The following AFF1 variants were observed in gnomAD, a reference collection of about 807,000 sequenced individuals.
The protein encoded by AFF1 is ALF transcription elongation factor 1.
A neutral mutation model predicts 121.7 loss-of-function variants in AFF1; 48 were observed. That is an observed-to-expected ratio of 0.39 (90% CI 0.31 to 0.50). The LOEUF (loss-of-function observed/expected upper bound fraction) is 0.50. Ranked by LOEUF, AFF1 falls within the 20% of genes least tolerant of loss-of-function variation. AFF1 has a pLI of 0.76. For synonymous variants in AFF1, 613 were observed against 563.0 expected (o/e 1.09, Z -1.26); for missense variants, 1,523 against 1,511.7 (o/e 1.01, Z -0.12).
intron 7 of AFF1, among the ~76,000 whole-genome samples, chr4:87,093,042 C>T (rs1008750486): frequency 2.6e-4 from 40 of 152,204 alleles, no homozygotes; most frequent in African/African-American, 9.7e-4. Flanking sequence ...TTATTGCTAA[C>T]TCATGGTTTA....
intron 2 of AFF1, among the ~76,000 whole-genome samples, chr4:87,042,427 G>T (rs1331591088): frequency 6.6e-6 from 1 of 152,230 alleles, no homozygotes; most frequent in East Asian, 1.9e-4. Context: ...TGCCTCTTCG[G>T]TCTTCCTCTG....
intron 2 of AFF1, among the ~76,000 whole-genome samples, chr4:86,982,388 CTTTTTTTTTTTTTTT>C (rs70953632): frequency 8.5e-5 from 5 of 58,592 alleles, no homozygotes; most frequent in Admixed American, 3.0e-4. Flanking sequence ...AAAAAATTGG[CTTTTTTTTTTTTTTT>C]TTTTTTTTTT....
intron 1 of AFF1, among the ~76,000 whole-genome samples, chr4:86,941,730 A>G (rs1331080956): frequency 6.6e-6 from 1 of 152,154 alleles, no homozygotes; most frequent in Non-Finnish European, 1.5e-5. Flanking sequence ...CCAGCTACCC[A>G]GGAGACTGAG....
intron 2 of AFF1, among the ~76,000 whole-genome samples, chr4:87,042,741 T>A (rs1049988888): frequency 1.3e-5 from 2 of 152,246 alleles, no homozygotes; most frequent in African/African-American, 4.8e-5. Flanking sequence ...AATCCTTAAT[T>A]TAATAGGATT....
At chr4:87,066,560 G>T (rs1160949736) in intron 4 of AFF1, among the ~76,000 whole-genome samples, 1 of 152,140 alleles carries the variant, frequency 6.6e-6, no homozygotes, top group African/African-American at 2.4e-5. Context: ...GTGAACTCCA[G>T]CCTGGGCAAC....
intron 2 of AFF1, among the ~76,000 whole-genome samples, chr4:87,032,735 A>G (rs1268922090): frequency 6.6e-6 from 1 of 152,152 alleles, no homozygotes; most frequent in Non-Finnish European, 1.5e-5. Flanking sequence ...TTAATTTTGG[A>G]TATACTCTCC....
chr4:86,944,490 G>A (rs111460606), intron 1 of AFF1, among the ~76,000 whole-genome samples: 6 of 151,552 alleles, frequency 4.0e-5, no homozygotes, highest in South Asian at 2.1e-4. Context: ...CCTCAGGCAC[G>A]CGCCATCACG....
chr4:86,973,542 A>G (rs929723743), intron 2 of AFF1, among the ~76,000 whole-genome samples: 2 of 152,084 alleles, frequency 1.3e-5, no homozygotes, highest in Non-Finnish European at 2.9e-5. Flanking sequence ...TTTTTAATGT[A>G]TTGAATTTGG....
intron 4 of AFF1, among the ~76,000 whole-genome samples, chr4:87,063,015 CTACTT>C (rs1553925141): frequency 6.6e-6 from 1 of 152,118 alleles, no homozygotes; most frequent in Non-Finnish European, 1.5e-5. Context: ...GACAAGAAAA[CTACTT>C]AACCTGTTCA....
chr4:87,010,667 G>A (rs974758779), intron 2 of AFF1, among the ~76,000 whole-genome samples: 3 of 152,132 alleles, frequency 2.0e-5, no homozygotes, highest in Admixed American at 6.5e-5. Flanking sequence ...GGTGTTGATG[G>A]ATACAGTAAA....
intron 2 of AFF1, among the ~76,000 whole-genome samples, chr4:86,995,054 A>T (rs1725009540): frequency 6.6e-6 from 1 of 152,110 alleles, no homozygotes; most frequent in African/African-American, 2.4e-5. Flanking sequence ...CAGCCTAGGC[A>T]ACATGGTAAA....
chr4:86,967,809 C>T (rs1327755840), intron 2 of AFF1, among the ~76,000 whole-genome samples: 1 of 152,116 alleles, frequency 6.6e-6, no homozygotes, highest in Admixed American at 6.5e-5. Flanking sequence ...TTTGAAATGC[C>T]TGTGAAAATC....
At chr4:87,035,986 T>C (rs542154157) in intron 2 of AFF1, among the ~76,000 whole-genome samples, 25 of 152,224 alleles carry the variant, frequency 1.6e-4, no homozygotes, top group Non-Finnish European at 3.2e-4. Flanking sequence ...TAGTGTGACA[T>C]GAGTGGCCTG....
At chr4:86,975,655 T>C (rs1045248156) in intron 2 of AFF1, among the ~76,000 whole-genome samples, 2 of 152,198 alleles carry the variant, frequency 1.3e-5, no homozygotes, top group South Asian at 2.1e-4. Context: ...GCCTTTTTTT[T>C]CTCCCCCCAA....
At chr4:87,013,721 TAAAAAG>T (rs1490988262) in intron 2 of AFF1, among the ~76,000 whole-genome samples, 2 of 147,770 alleles carry the variant, frequency 1.4e-5, no homozygotes, top group Non-Finnish European at 1.5e-5. Flanking sequence ...ACTAAACAAA[TAAAAAG>T]TAAAAGGCTA....
Position 87,125,098 on chromosome 4 carries a change from A to G in AFF1, c.2528A>G (p.Gln843Arg), listed in dbSNP as rs370865772. 87 of 1,610,736 alleles carry G rather than the reference A, an allele frequency of 5.4e-5. No individual in the cohort carries two copies. The Middle Eastern group carries it at 1.3e-3, about 25-fold the overall frequency. Reference protein sequence around the residue: ...KIRLEKEIKSQSSSSSSSHKE... With the variant: ...KIRLEKEIKSRSSSSSSSHKE... ...AGACTGGAGAAGGAAATCAAATCAC[A>G]GTCATCTTCATCTTCATCCTCCCAC... Residue 843 changes from glutamine (Q) to arginine (R), a missense_variant, in exon 13 of 21, where the codon CAG becomes CGG. Physicochemically the swap from Gln to Arg is conservative, Grantham distance 43. Around this residue, in one of 5 missense-constraint regions of AFF1, gnomAD observed 905 missense variants for 842.5 expected, o/e 1.07. Transcript: ENST00000395146.
At chr4:87,072,570 G>A (rs1256202815) in intron 4 of AFF1, among the ~76,000 whole-genome samples, 4 of 151,686 alleles carry the variant, frequency 2.6e-5, no homozygotes, top group African/African-American at 9.7e-5. Flanking sequence ...CTCTCAGGCT[G>A]GAGTGCAGTG....
At chr4:87,047,667 G>GGGGC in intron 4 of AFF1, 73 bp downstream of exon 4, 1 of 1,590,218 alleles carries the variant, frequency 6.3e-7, no homozygotes. Flanking sequence ...CGGAGGATGT[G>GGGGC]GGGCAAGGTG....
intron 2 of AFF1, among the ~76,000 whole-genome samples, chr4:86,976,968 G>A (rs761741851): frequency 1.3e-5 from 2 of 152,354 alleles, no homozygotes; most frequent in East Asian, 3.9e-4. Context: ...TTGGAACAAT[G>A]TCTGGCACAC....
Sources: allele counts gnomAD v4.1 joint callset (sites outside exome capture counted in the v4.1 genomes callset), GRCh38; gene constraint gnomAD v4.1.1; regional missense constraint gnomAD v4.1.1; transcripts MANE v1.5; gene names NCBI Gene and HGNC (gene_info 2026-07-23, HGNC 2026-07-21).